The following RC3H2 variants were observed in gnomAD, a reference collection of about 807,000 sequenced individuals.
The protein encoded by RC3H2 is roquin-2.
Under a neutral mutation model 133.3 loss-of-function variants are expected in RC3H2, and 31 were observed. That is an observed-to-expected ratio of 0.23 (90% CI 0.17 to 0.31). The LOEUF is 0.31. RC3H2 is among the 10% of genes least tolerant of loss of function. RC3H2 has a pLI of 1.00. For missense variants in RC3H2, 1,175 were observed against 1,437.2 expected, an observed-to-expected ratio of 0.82 and a Z score of 2.95; for synonymous variants, 517 against 502.2, an observed-to-expected ratio of 1.03 and a Z score of -0.40.
Position 122,865,707 on chromosome 9 carries a change from T to A in RC3H2, c.1326-50A>T, listed in dbSNP as rs745627135. The A allele has an allele frequency of 1.5e-5, 23 of 1,537,784 alleles. No individual in the cohort carries two copies. The South Asian group carries it at 2.6e-4, about 17-fold the overall frequency. On this transcript the variant is annotated intron_variant, in intron 9 of 20. Transcript: ENST00000357244. ...TGGTGAATATTTCACTAAATCTTACTCAAGACAAAAAATGGCAATGGGCAA... is the reference window on the plus strand; with the variant it reads ...TGGTGAATATTTCACTAAATCTTACACAAGACAAAAAATGGCAATGGGCAA...
chr9:122,892,537 G>C (rs1832227139), intron 3 of RC3H2, among the ~76,000 whole-genome samples: 1 of 151,994 alleles, frequency 6.6e-6, no homozygotes, highest in African/African-American at 2.4e-5. Context: ...TCAGCCTCCG[G>C]AATAGCTGGA....
At chr9:122,859,847 G>T in intron 11 of RC3H2, 70 bp downstream of exon 11, 4 of 1,248,132 alleles carry the variant, frequency 3.2e-6, no homozygotes, top group Non-Finnish European at 4.7e-6. Context: ...AGACATTCTA[G>T]AACTATTCAT....
At chr9:122,889,416 G>A (rs535141116) in intron 4 of RC3H2, among the ~76,000 whole-genome samples, 39 of 151,896 alleles carry the variant, frequency 2.6e-4, no homozygotes, top group Middle Eastern at 3.4e-3. Flanking sequence ...ATCTAATTTT[G>A]CTTTTTCCGC....
In RC3H2 at chr9:122,855,862, C is replaced by G; in HGVS notation, c.2471G>C (p.Ser824Thr). The change falls in exon 14 of 21, where the codon AGT becomes ACT. Residue 824 changes from serine to threonine, a missense_variant. Transcript: ENST00000357244. ...ATGATCTTCTTCAAATTTTGTACCA[C>G]TCACACTCTCTGAGAACTGGTTAAA... ...DFRADFSESV[S>T]GTKFEEDHLS... 1 of 1,612,210 alleles carries G rather than the reference C, an allele frequency of 6.2e-7. No individual in the cohort carries two copies. Among genetic ancestry groups the G allele is most frequent in the South Asian group, 1.1e-5 (1 of 90,868 alleles).
chr9:122,858,403 C>G (rs1449183607), intron 12 of RC3H2, among the ~76,000 whole-genome samples: 2 of 152,206 alleles, frequency 1.3e-5, no homozygotes, highest in African/African-American at 4.8e-5. Context: ...AATTTCCTAT[C>G]CAAATATAAC....
At chr9:122,892,000 T>C (rs578048300) in intron 3 of RC3H2, among the ~76,000 whole-genome samples, 1 of 152,350 alleles carries the variant, frequency 6.6e-6, no homozygotes, top group Non-Finnish European at 1.5e-5. Flanking sequence ...AATGAATACA[T>C]GCATACATGA....
At chr9:122,899,061 T>C (rs147002437) in intron 1 of RC3H2, among the ~76,000 whole-genome samples, 143 of 141,624 alleles carry the variant, frequency 1.0e-3, no homozygotes, top group African/African-American at 3.4e-3. Flanking sequence ...TATGCCAACA[T>C]ACAAAAAAAT....
intron 1 of RC3H2, among the ~76,000 whole-genome samples, chr9:122,901,388 A>C (rs948695466): frequency 4.6e-5 from 7 of 152,214 alleles, no homozygotes; most frequent in Non-Finnish European, 1.0e-4. Flanking sequence ...GTAAAAACCA[A>C]AACAGCAATG....
At chr9:122,881,354 G>A (rs1351004167) in intron 5 of RC3H2, among the ~76,000 whole-genome samples, 11 of 151,804 alleles carry the variant, frequency 7.2e-5, no homozygotes. Context: ...AGGCATGGTG[G>A]TGGCAGGCGC....
intron 1 of RC3H2, among the ~76,000 whole-genome samples, chr9:122,900,106 G>A (rs1219424139): frequency 1.3e-5 from 2 of 152,158 alleles, no homozygotes; most frequent in African/African-American, 4.8e-5. Context: ...TGTTACAATA[G>A]TCCTTAGTAT....
At chr9:122,861,308 T>C (rs984235490) in intron 10 of RC3H2, among the ~76,000 whole-genome samples, 1 of 151,796 alleles carries the variant, frequency 6.6e-6, no homozygotes, top group African/African-American at 2.4e-5. Flanking sequence ...CTGACCAACA[T>C]GGAGATACCC....
intron 4 of RC3H2, among the ~76,000 whole-genome samples, chr9:122,886,831 T>C (rs1419104659): frequency 6.6e-6 from 1 of 152,212 alleles, no homozygotes; most frequent in African/African-American, 2.4e-5. Flanking sequence ...TTTGGAGAAA[T>C]GTCTATTCAA....
At position 122,882,463 on chromosome 9, in the gene RC3H2, A is replaced by C. The variant is rs561578429; in HGVS notation, c.759+741T>G. On this transcript the variant is annotated intron_variant, in intron 5 of 20. Coordinates refer to ENST00000357244, the MANE Select transcript of RC3H2 (RefSeq NM_001100588.3). The stretch of plus-strand genomic sequence containing the variant: ...GGCTATAAAACCAACAAAATAACCT[A>C]AATAAGCTTTGGTTTCAAATTTAAA... 3.3e-5 allele frequency among the ~76,000 whole-genome samples: 5 copies of C among 152,342 alleles called. No individual in the cohort carries two copies. The South Asian group carries it at 6.2e-4, about 19-fold the overall frequency.
At chr9:122,859,156 T>G in intron 11 of RC3H2, 54 bp from the exon 12 acceptor site, 1 of 1,366,094 alleles carries the variant, frequency 7.3e-7, no homozygotes, top group Non-Finnish European at 9.8e-7. Flanking sequence ...ATCCAACATT[T>G]TATAATGGCT....
At chr9:122,867,425 G>A (rs1469973218) in intron 9 of RC3H2, among the ~76,000 whole-genome samples, 9 of 145,462 alleles carry the variant, frequency 6.2e-5, no homozygotes, top group East Asian at 2.0e-4. Context: ...TCAGCACCCC[G>A]CCCGGCCAGC....
chr9:122,893,113 T>C, intron 2 of RC3H2, 87 bp from the exon 3 acceptor site: 1 of 1,497,174 alleles, frequency 6.7e-7, no homozygotes, highest in Middle Eastern at 2.1e-4. Flanking sequence ...ATAATCTTGG[T>C]GAGTATAAAA....
chr9:122,870,353 C>T (rs546379205), intron 9 of RC3H2, among the ~76,000 whole-genome samples: 308 of 148,818 alleles, frequency 2.1e-3, no homozygotes, highest in South Asian at 3.8e-3. Flanking sequence ...CCAGCCTGGC[C>T]GACAGAGCAA....
chr9:122,880,557 G>T, intron 6 of RC3H2, 37 bp downstream of exon 6: 1 of 1,468,992 alleles, frequency 6.8e-7, no homozygotes, highest in Non-Finnish European at 9.5e-7. Flanking sequence ...CAATGTAACA[G>T]CAATGATAGA....
In RC3H2 at chr9:122,848,275, C is replaced by G. The variant is rs1829909594; in HGVS notation, c.*1352G>C. On this transcript the variant is annotated 3_prime_UTR_variant, in exon 21 of 21. Coordinates refer to ENST00000357244, the MANE Select transcript of RC3H2 (RefSeq NM_001100588.3). Reference sequence around the variant, plus strand: ...AAATAATAATAAAAGTCAAACTAATCTTAAAGAAACAGAAGAAAAACAGAT... The same window carrying G: ...AAATAATAATAAAAGTCAAACTAATGTTAAAGAAACAGAAGAAAAACAGAT... The G allele has an allele frequency of 6.6e-6, 1 of 152,076 alleles. No individual in the cohort carries two copies. Among genetic ancestry groups the G allele is most frequent in the Admixed American group, 6.6e-5 (1 of 15,264 alleles). 9.4% of individuals were successfully genotyped at this position (152,076 alleles called of 1,614,324 possible). A position where few individuals can be genotyped will look rare whatever the true frequency, so the allele number is the denominator to read the frequency against.
Sources: allele counts gnomAD v4.1 joint callset (sites outside exome capture counted in the v4.1 genomes callset), GRCh38; gene constraint gnomAD v4.1.1; transcripts MANE v1.5; gene names NCBI Gene and HGNC (gene_info 2026-07-23, HGNC 2026-07-21).